KLF12: variants seen among roughly 807,000 people sequenced by gnomAD.
KLF12 encodes the protein KLF transcription factor 12.
In KLF12, 9 loss-of-function variants were observed where a neutral mutation model predicts 37.8. The observed-to-expected ratio is 0.24, with a 90% CI of 0.14 to 0.42. KLF12 has a LOEUF of 0.42. KLF12 is among the 10% of genes least tolerant of loss of function. The probability of loss-of-function intolerance (pLI) is 1.00; values close to 1 mark genes in which losing one functional copy is unlikely to be tolerated. For synonymous variants in KLF12, 208 were observed against 202.1 expected (o/e 1.03, Z -0.25); for missense variants, 411 against 516.0 (o/e 0.80, Z 1.97).
chr13:74,076,737 T>C (rs1253666318), intron 1 of KLF12, among the ~76,000 whole-genome samples: 3 of 152,176 alleles, frequency 2.0e-5, no homozygotes, highest in African/African-American at 7.2e-5. Flanking sequence ...GATTATTTCA[T>C]CACCCAGGTA....
chr13:74,041,729 CACA>C (rs1566515017), intron 1 of KLF12, among the ~76,000 whole-genome samples: 7 of 151,160 alleles, frequency 4.6e-5, no homozygotes, highest in African/African-American at 1.2e-4. Context: ...CACACACACA[CACA>C]CCCCTTCAAA....
At chr13:73,799,864 C>A (rs1411600295) in intron 5 of KLF12, among the ~76,000 whole-genome samples, 1 of 152,104 alleles carries the variant, frequency 6.6e-6, no homozygotes, top group East Asian at 1.9e-4. Flanking sequence ...CTTACATATA[C>A]AAAACACAAT....
chr13:74,133,711 T>TA (rs1252902816), intron 1 of KLF12, among the ~76,000 whole-genome samples: 8 of 151,934 alleles, frequency 5.3e-5, no homozygotes, highest in Non-Finnish European at 1.0e-4. Context: ...GGTTGTTTAT[T>TA]TTGATAAGAA....
At chr13:74,067,532 T>C (rs1187708334) in intron 1 of KLF12, among the ~76,000 whole-genome samples, 1 of 152,190 alleles carries the variant, frequency 6.6e-6, no homozygotes, top group African/African-American at 2.4e-5. Context: ...AAGGATGCAG[T>C]TGCTAATCAG....
At chr13:74,247,658 G>A in the KLF12 span, among the ~76,000 whole-genome samples, 1 of 151,830 alleles carries the variant, frequency 6.6e-6, no homozygotes, top group African/African-American at 2.4e-5. Context: ...TTTTGTAGAG[G>A]CTGGGGTCTC....
intron 7 of KLF12, among the ~76,000 whole-genome samples, chr13:73,709,461 C>T (rs1173613729): frequency 1.3e-5 from 2 of 152,126 alleles, no homozygotes; most frequent in African/African-American, 4.8e-5. Context: ...AAGATGTTTA[C>T]TAAGAGCATG....
intron 1 of KLF12, among the ~76,000 whole-genome samples, chr13:74,062,660 T>C (rs1873669232): frequency 6.6e-6 from 1 of 152,224 alleles, no homozygotes; most frequent in Non-Finnish European, 1.5e-5. Flanking sequence ...TCAATTTGTC[T>C]TCAATATGCT....
the KLF12 span, among the ~76,000 whole-genome samples, chr13:74,155,055 G>A: frequency 3.3e-5 from 5 of 152,034 alleles, no homozygotes; most frequent in South Asian, 2.1e-4. Context: ...TTCTTTCCCC[G>A]CTGACTATCA....
At chr13:73,807,845 T>C (rs1882727768) in intron 5 of KLF12, among the ~76,000 whole-genome samples, 2 of 152,228 alleles carry the variant, frequency 1.3e-5, no homozygotes, top group Non-Finnish European at 2.9e-5. Flanking sequence ...CCACATCCTT[T>C]AGCTTGTTCC....
intron 1 of KLF12, among the ~76,000 whole-genome samples, chr13:74,125,571 T>C (rs914725700): frequency 7.2e-5 from 11 of 152,234 alleles, no homozygotes; most frequent in Non-Finnish European, 1.5e-4. Context: ...CTAACTTTGA[T>C]AGCTTTATCC....
intron 3 of KLF12, among the ~76,000 whole-genome samples, chr13:73,885,846 C>A (rs377266695): frequency 1.3e-5 from 2 of 151,928 alleles, no homozygotes; most frequent in South Asian, 2.1e-4. Flanking sequence ...GAAGTCTGAG[C>A]GAACAGTTAG....
the KLF12 span, among the ~76,000 whole-genome samples, chr13:74,168,339 T>A: frequency 6.6e-6 from 1 of 152,222 alleles, no homozygotes; most frequent in African/African-American, 2.4e-5. Context: ...CTAACTGGAC[T>A]CTGGCTCCAT....
chr13:74,243,201 C>T, the KLF12 span, among the ~76,000 whole-genome samples: 5,425 of 152,048 alleles, frequency 0.036, 233 homozygotes, highest in African/African-American at 0.1. Context: ...TGAGAACATG[C>T]GGTGTTTGGT....
At chr13:74,027,245 G>A (rs1350661614) in intron 1 of KLF12, among the ~76,000 whole-genome samples, 1 of 152,102 alleles carries the variant, frequency 6.6e-6, no homozygotes, top group Non-Finnish European at 1.5e-5. Context: ...AACTCAAAGT[G>A]TAAAGCTACT....
At chr13:74,043,012 C>CA (rs1893448053) in intron 1 of KLF12, among the ~76,000 whole-genome samples, 1 of 150,070 alleles carries the variant, frequency 6.7e-6, no homozygotes, top group Admixed American at 6.7e-5. Flanking sequence ...AATATTAATA[C>CA]AAAAAAGAAA....
chr13:74,071,775 C>T (rs928158065), intron 1 of KLF12, among the ~76,000 whole-genome samples: 1 of 152,062 alleles, frequency 6.6e-6, no homozygotes, highest in Admixed American at 6.5e-5. Context: ...AATTAAGATA[C>T]GAGTGAACTA....
At position 73,868,280 on chromosome 13, in the gene KLF12, G is replaced by T. The variant is rs187301011; in HGVS notation, c.124-21907C>A. On this transcript the variant is annotated intron_variant, in intron 3 of 7. Transcript: ENST00000377669. ...TGAGCCGAGATGGTACTCCAGCCTG[G>T]GCAACAAGAGCAAAACTCCATCTCA... is the stretch of plus-strand genomic sequence containing the variant. Among the ~76,000 whole-genome samples the T allele has an allele frequency of 3.9e-3, 436 of 112,694 alleles. 3 individuals carry two copies. The highest frequency in any genetic ancestry group is 0.014 in the African/African-American group (404 of 28,682). The allele number at this position is 112,694 out of a possible 152,430, so 73.9% of individuals were successfully genotyped here.
At chr13:73,910,567 T>C (rs1050184239) in intron 3 of KLF12, among the ~76,000 whole-genome samples, 1 of 152,112 alleles carries the variant, frequency 6.6e-6, no homozygotes, top group Non-Finnish European at 1.5e-5. Flanking sequence ...ATAAGATAAA[T>C]AGTTAAGAGG....
intron 1 of KLF12, among the ~76,000 whole-genome samples, chr13:74,102,827 T>A (rs1002988356): frequency 6.6e-6 from 1 of 152,174 alleles, no homozygotes; most frequent in Non-Finnish European, 1.5e-5. Flanking sequence ...TTGGTGAGTA[T>A]GAAAAGACGT....
Sources: allele counts gnomAD v4.1 joint callset (sites outside exome capture counted in the v4.1 genomes callset), GRCh38; gene constraint gnomAD v4.1.1; transcripts MANE v1.5; gene names NCBI Gene and HGNC (gene_info 2026-07-23, HGNC 2026-07-21).